PHKB: variants seen among roughly 807,000 people sequenced by gnomAD.
The protein encoded by PHKB is phosphorylase b kinase regulatory subunit beta.
A neutral mutation model predicts 152.1 loss-of-function variants in PHKB; 122 were observed. The observed-to-expected ratio is 0.80, with a 90% confidence interval of 0.69 to 0.93. PHKB has a LOEUF of 0.93. PHKB is among the 40% of genes least tolerant of loss of function. The pLI is 0.00. For synonymous variants in PHKB, 436 were observed against 464.9 expected, an observed-to-expected ratio of 0.94 and a Z score of 0.80; for missense variants, 1,304 against 1,328.4, an observed-to-expected ratio of 0.98 and a Z score of 0.29.
intron 1 of PHKB, among the ~76,000 whole-genome samples, chr16:47,475,019 T>A (rs1969845051): frequency 6.6e-6 from 1 of 152,212 alleles, no homozygotes. Context: ...CCACTGCGCC[T>A]GGACTATTTC....
At chr16:47,475,813 C>T (rs567015016) in intron 1 of PHKB, among the ~76,000 whole-genome samples, 5 of 152,296 alleles carry the variant, frequency 3.3e-5, no homozygotes, top group Non-Finnish European at 5.9e-5. Flanking sequence ...GTTCTTCCTG[C>T]TTTGACAGTT....
chr16:47,500,053 T>C (rs1320917231), intron 3 of PHKB, among the ~76,000 whole-genome samples, 159 bp downstream of exon 3: 2 of 148,684 alleles, frequency 1.3e-5, no homozygotes, highest in Admixed American at 6.6e-5. Flanking sequence ...CTTTTCATTT[T>C]CTTTTTTTTT....
At chr16:47,472,657 C>T (rs1010688011) in intron 1 of PHKB, among the ~76,000 whole-genome samples, 1 of 152,112 alleles carries the variant, frequency 6.6e-6, no homozygotes, top group Non-Finnish European at 1.5e-5. Flanking sequence ...GTGGTGGGCA[C>T]CTGTAATCCC....
chr16:47,561,719 T>C (rs1210323426), intron 7 of PHKB: 3 of 152,196 alleles, frequency 2.0e-5, no homozygotes, highest in Non-Finnish European at 4.4e-5. Context: ...TTTTCTCCTC[T>C]TCATTCCCTT....
intron 26 of PHKB, among the ~76,000 whole-genome samples, chr16:47,686,760 A>G (rs1351743678): frequency 2.0e-5 from 3 of 152,172 alleles, no homozygotes; most frequent in East Asian, 1.9e-4. Flanking sequence ...TTATTTTGCT[A>G]TAGTATACTA....
chr16:47,614,345 A>G (rs1246544536), intron 14 of PHKB, among the ~76,000 whole-genome samples: 5 of 152,238 alleles, frequency 3.3e-5, no homozygotes, highest in Non-Finnish European at 7.3e-5. Flanking sequence ...GGGTGGGGAC[A>G]TAGATCCAAA....
In PHKB at chr16:47,699,370, G is replaced by A. The variant is rs781008338; in HGVS notation, c.*4G>A. Reference sequence around the variant, plus strand: ...TGACCCGTGTCTGATTAGCTAGTGGGGAAGGTGTAGGAAGCTCTGTTGAGA... The same window carrying A: ...TGACCCGTGTCTGATTAGCTAGTGGAGAAGGTGTAGGAAGCTCTGTTGAGA... On this transcript the variant is annotated 3_prime_UTR_variant, in exon 31 of 31. Transcript: ENST00000323584. 2.5e-6 allele frequency: 4 copies of A among 1,613,954 alleles called. No homozygotes were observed. The highest frequency in any genetic ancestry group is 1.7e-5 in the Admixed American group (1 of 59,996).
chr16:47,630,452 A>C (rs1972806828), intron 14 of PHKB, among the ~76,000 whole-genome samples: 1 of 152,066 alleles, frequency 6.6e-6, no homozygotes, highest in South Asian at 2.1e-4. Context: ...GCTGCACTCC[A>C]GCCTGGGTGA....
intron 7 of PHKB, among the ~76,000 whole-genome samples, chr16:47,569,219 A>G (rs1971617460): frequency 6.6e-6 from 1 of 152,182 alleles, no homozygotes; most frequent in Non-Finnish European, 1.5e-5. Flanking sequence ...CTGCATATGT[A>G]TTTAGAATTA....
At chr16:47,665,743 G>C (rs1973526355) in intron 25 of PHKB, 1 of 642,906 alleles carries the variant, frequency 1.6e-6, no homozygotes. Flanking sequence ...TGAGGTGGAG[G>C]GATCCCTCCC....
chr16:47,606,418 A>G (rs1391465609), intron 13 of PHKB, among the ~76,000 whole-genome samples: 1 of 152,270 alleles, frequency 6.6e-6, no homozygotes, highest in Non-Finnish European at 1.5e-5. Context: ...GTACATTTAT[A>G]CAAAACTCAG....
At chr16:47,497,533 A>G (rs781280781) in intron 2 of PHKB, 45 bp downstream of exon 2, 6 of 1,071,654 alleles carry the variant, frequency 5.6e-6, no homozygotes, top group Non-Finnish European at 8.7e-6. Context: ...ATCTGCGATT[A>G]GTATTCCCCT....
At chr16:47,626,648 A>G (rs1350733571) in intron 14 of PHKB, among the ~76,000 whole-genome samples, 1 of 152,228 alleles carries the variant, frequency 6.6e-6, no homozygotes, top group Admixed American at 6.5e-5. Flanking sequence ...GTCCAGAAAC[A>G]GAGATTCTGC....
chr16:47,648,207 A>G (rs1319001519), intron 16 of PHKB, among the ~76,000 whole-genome samples: 1 of 152,150 alleles, frequency 6.6e-6, no homozygotes, highest in Non-Finnish European at 1.5e-5. Context: ...AAACAACTGG[A>G]TTTTTTTAAT....
chr16:47,650,156 A>G (rs1483697143), intron 18 of PHKB, among the ~76,000 whole-genome samples: 1 of 152,134 alleles, frequency 6.6e-6, no homozygotes, highest in Non-Finnish European at 1.5e-5. Context: ...TCATACCTGT[A>G]ATCCCAGCAC....
intron 7 of PHKB, among the ~76,000 whole-genome samples, chr16:47,571,966 C>G (rs577640157): frequency 1.3e-5 from 2 of 152,268 alleles, no homozygotes; most frequent in South Asian, 4.1e-4. Flanking sequence ...GTGAATCCAG[C>G]TGCTTATCTG....
intron 6 of PHKB, among the ~76,000 whole-genome samples, chr16:47,527,840 C>T (rs1970793899): frequency 6.6e-6 from 1 of 152,044 alleles, no homozygotes; most frequent in African/African-American, 2.4e-5. Context: ...TGTGTGTGCA[C>T]AAAGGAAAGG....
chr16:47,473,044 T>G (rs988511928), intron 1 of PHKB, among the ~76,000 whole-genome samples: 6 of 148,702 alleles, frequency 4.0e-5, no homozygotes, highest in Admixed American at 2.7e-4. Context: ...GGATCTGTGT[T>G]TTTTTTTTTG....
intron 1 of PHKB, among the ~76,000 whole-genome samples, chr16:47,486,580 G>A (rs972377795): frequency 6.6e-6 from 1 of 152,070 alleles, no homozygotes; most frequent in African/African-American, 2.4e-5. Flanking sequence ...TTTGCTGATA[G>A]ACTGTATGTT....
Sources: gnomAD v4.1 joint callset for allele counts (sites outside exome capture counted in the v4.1 genomes callset) on GRCh38, gnomAD v4.1.1 for gene constraint, MANE v1.5 for transcripts, NCBI Gene and HGNC (gene_info 2026-07-23, HGNC 2026-07-21) for gene names.